Variants in WDR7 observed in about 807,000 individuals in gnomAD.
WDR7 encodes the protein WD repeat-containing protein 7.
In WDR7, 46 loss-of-function variants were observed where a neutral mutation model predicts 169.4. That is an observed-to-expected ratio of 0.27 (90% CI 0.21 to 0.35). WDR7 has a LOEUF of 0.35. WDR7 is among the 10% of genes least tolerant of loss of function. The probability of loss-of-function intolerance (pLI) is 1.00; values close to 1 mark genes in which losing one functional copy is unlikely to be tolerated. For missense variants in WDR7, 1,534 were observed against 1,859.3 expected (o/e 0.83, Z 3.22); for synonymous variants, 612 against 666.8 (o/e 0.92, Z 1.27).
intron 20 of WDR7, among the ~76,000 whole-genome samples, chr18:56,862,646 A>G (rs948511578): frequency 5.3e-5 from 8 of 151,878 alleles, no homozygotes; most frequent in African/African-American, 1.9e-4. Context: ...ACAATAGTGA[A>G]AATTTTTTAA....
intron 19 of WDR7, among the ~76,000 whole-genome samples, chr18:56,788,996 T>C (rs1036333468): frequency 8.5e-5 from 13 of 152,216 alleles, no homozygotes; most frequent in South Asian, 2.1e-4. Flanking sequence ...CAGTGTTTCA[T>C]TGGGACCTGA....
At position 57,000,824 on chromosome 18, in the gene WDR7, G is replaced by A. The variant is rs1023609727; in HGVS notation, c.4165-19921G>A. ...AAATTTCTGGTGTAGAATCTTTAGC[G>A]TATAGAGGTTTATATATTCTGGAAT... On this transcript the variant is annotated intron_variant, in intron 26 of 27. Transcript: ENST00000254442. Among the ~76,000 whole-genome samples the A allele has an allele frequency of 1.1e-4, 17 of 152,126 alleles. 1 individual carries two copies. Among genetic ancestry groups the A allele is most frequent in the South Asian group, 8.3e-4 (4 of 4,818 alleles).
chr18:56,835,180 G>T (rs1396393170), intron 20 of WDR7, among the ~76,000 whole-genome samples: 1 of 152,204 alleles, frequency 6.6e-6, no homozygotes, highest in Admixed American at 6.5e-5. Context: ...TCAATGAAAT[G>T]TGAGAGTAGA....
intron 20 of WDR7, among the ~76,000 whole-genome samples, chr18:56,859,559 T>G (rs2045773360): frequency 6.6e-6 from 1 of 152,210 alleles, no homozygotes; most frequent in South Asian, 2.1e-4. Context: ...TGTGTTCGCC[T>G]TCCTCCCCTG....
chr18:57,026,933 C>G, intron 27 of WDR7, 71 bp from the exon 28 acceptor site: 1 of 1,488,344 alleles, frequency 6.7e-7, no homozygotes. Flanking sequence ...CAGGAGAGAT[C>G]GACCCAGTCT....
intron 19 of WDR7, among the ~76,000 whole-genome samples, chr18:56,792,942 G>A (rs1464451491): frequency 4.6e-5 from 7 of 152,086 alleles, no homozygotes; most frequent in African/African-American, 9.7e-5. Flanking sequence ...GTTCTGTATG[G>A]CAACTTGGGA....
Position 56,718,988 on chromosome 18 carries a change from G to A in WDR7, c.1774+829G>A, listed in dbSNP as rs17682737. On this transcript the variant is annotated intron_variant, in intron 13 of 27. Transcript: ENST00000254442. ...GCCTTTTGGGAATAAATAGCCATAAGCTTCGGTAATCTTTTATTTATTGTC... is the reference window on the plus strand; with the variant it reads ...GCCTTTTGGGAATAAATAGCCATAAACTTCGGTAATCTTTTATTTATTGTC... 4.2e-3 allele frequency among the ~76,000 whole-genome samples: 642 copies of A among 152,312 alleles called. 4 individuals are homozygous for A. The highest frequency in any genetic ancestry group is 6.9e-3 in the Non-Finnish European group (470 of 68,016).
intron 26 of WDR7, among the ~76,000 whole-genome samples, chr18:56,994,016 C>CTTTTTTTTTTTTTTT (rs35579782): frequency 4.6e-5 from 6 of 129,204 alleles, no homozygotes; most frequent in African/African-American, 3.0e-5. Flanking sequence ...CTTTTTTTTT[C>CTTTTTTTTTTTTTTT]TTTTTTTTTT....
chr18:56,713,090 A>G (rs2026119066), intron 12 of WDR7, among the ~76,000 whole-genome samples: 1 of 152,194 alleles, frequency 6.6e-6, no homozygotes, highest in Admixed American at 6.5e-5. Flanking sequence ...CCATCACAAA[A>G]TGGGCAGGGA....
rs544263512 is a variant in WDR7 at position 56,880,261 on chromosome 18, C to G, written c.3526+96C>G. ...ACATTGACTATATCCTGAGTTTTAG[C>G]TCATTTAGATTGCTTGCGTGAAGTT... On this transcript the variant is annotated intron_variant, in intron 21 of 27. Coordinates refer to ENST00000254442, the MANE Select transcript of WDR7 (RefSeq NM_015285.3). The G allele has an allele frequency of 1.2e-5, 15 of 1,244,192 alleles. 1 individual carries two copies. The South Asian group carries it at 1.5e-4, about 12-fold the overall frequency. The allele number at this position is 1,244,192 out of a possible 1,614,324, so 77.1% of individuals were successfully genotyped here.
At chr18:56,758,996 T>A (rs757234459) in intron 16 of WDR7, 43 bp downstream of exon 16, 1 of 1,516,678 alleles carries the variant, frequency 6.6e-7, no homozygotes, top group South Asian at 1.2e-5. Context: ...ACATTTCAGC[T>A]CTAGAAACTG....
intron 20 of WDR7, among the ~76,000 whole-genome samples, chr18:56,864,515 C>G (rs996369306): frequency 6.6e-6 from 1 of 151,620 alleles, no homozygotes; most frequent in African/African-American, 2.4e-5. Context: ...TAATAGCATA[C>G]AAAAATTAAC....
intron 9 of WDR7, among the ~76,000 whole-genome samples, chr18:56,692,607 G>A (rs988764395): frequency 6.6e-6 from 1 of 151,448 alleles, no homozygotes; most frequent in African/African-American, 2.4e-5. Flanking sequence ...ATCATCTTTA[G>A]CCTGTCTGTT....
chr18:56,861,286 C>T (rs1476575163), intron 20 of WDR7, among the ~76,000 whole-genome samples: 1 of 152,142 alleles, frequency 6.6e-6, no homozygotes, highest in Non-Finnish European at 1.5e-5. Context: ...CAACTTGATT[C>T]GTGGTGATTC....
chr18:56,914,672 C>T (rs972310769), intron 21 of WDR7, among the ~76,000 whole-genome samples: 7 of 152,074 alleles, frequency 4.6e-5, no homozygotes, highest in African/African-American at 1.4e-4. Flanking sequence ...CCTCTTTGAC[C>T]ACATAAACAT....
chr18:56,749,436 G>T (rs1441832132), intron 14 of WDR7, among the ~76,000 whole-genome samples: 2 of 150,448 alleles, frequency 1.3e-5, no homozygotes, highest in African/African-American at 4.9e-5. Flanking sequence ...ATATTTCCTA[G>T]CTTTGTTCTT....
intron 16 of WDR7, among the ~76,000 whole-genome samples, chr18:56,776,052 A>G (rs2044238475): frequency 6.6e-6 from 1 of 152,308 alleles, no homozygotes; most frequent in Admixed American, 6.5e-5. Context: ...TTTTCGTATG[A>G]TAATTTAAGC....
intron 20 of WDR7, among the ~76,000 whole-genome samples, chr18:56,879,486 A>T (rs1237178946): frequency 1.3e-5 from 2 of 152,182 alleles, no homozygotes; most frequent in African/African-American, 4.8e-5. Context: ...TTCTGGAAAT[A>T]ATTTTTATTA....
chr18:57,003,594 G>T (rs970633972), intron 26 of WDR7, among the ~76,000 whole-genome samples: 1 of 151,906 alleles, frequency 6.6e-6, no homozygotes, highest in Admixed American at 6.6e-5. Flanking sequence ...AATGTTCAGG[G>T]ATTAATCTAG....
Sources: gnomAD v4.1 joint callset for allele counts (sites outside exome capture counted in the v4.1 genomes callset) on GRCh38, gnomAD v4.1.1 for gene constraint, MANE v1.5 for transcripts, NCBI Gene and HGNC (gene_info 2026-07-23, HGNC 2026-07-21) for gene names.